Variants in H3C4 observed in about 807,000 individuals in gnomAD.
H3C4 encodes histone H3.1.
Under a neutral mutation model 8.7 loss-of-function variants are expected in H3C4, and 10 were observed. That is an observed-to-expected ratio of 1.15 (90% confidence interval 0.71 to 1.96). The LOEUF (loss-of-function observed/expected upper bound fraction) is 1.96. H3C4 is among the 30% of genes most tolerant of loss of function. The pLI, the probability that H3C4 is intolerant of heterozygous loss-of-function variation, is 0.00. For synonymous variants in H3C4, 141 were observed against 80.1 expected (o/e 1.76, Z -4.06); for missense variants, 216 against 192.9 (o/e 1.12, Z -0.71).
At chr6:26,197,287 G>C (rs551972687), upstream of H3C4, 22 of 1,588,654 alleles carry the variant, frequency 1.4e-5, no homozygotes, top group African/African-American at 9.6e-5. Context: ...ACGAAAAAAC[G>C]AAAGTCTAGC....
At chr6:26,198,624 G>A (rs1765039475), upstream of H3C4, among the ~76,000 whole-genome samples, 1 of 152,144 alleles carries the variant, frequency 6.6e-6, no homozygotes, top group Admixed American at 6.5e-5. Flanking sequence ...AAGGAACCGC[G>A]CCCCGCCAAT....
At position 26,196,835 on chromosome 6, in the gene H3C4, A is replaced by G. The variant is rs367946121; in HGVS notation, c.*5T>C. The G allele has an allele frequency of 3.7e-6, 6 of 1,614,160 alleles. No individual in the cohort carries two copies. Among genetic ancestry groups the G allele is most frequent in the Non-Finnish European group, 5.1e-6 (6 of 1,180,002 alleles). On this transcript the variant is annotated 3_prime_UTR_variant, in exon 1 of 1. Coordinates refer to ENST00000356476, the MANE Select transcript of H3C4 (RefSeq NM_001376937.1). ...GTTTTGGTTAGCACACATTCACAAG[A>G]CAATTTACGCCCTCTCCCCACGAAT...
chr6:26,197,020 C>T lies in H3C4; in HGVS notation c.231G>A (p.Gln77=), dbSNP rs1325093844. The part of the protein sequence containing the change: ...PFQRLVREIA[Q]DFKTDLRFQS... The stretch of plus-strand genomic sequence containing the variant: ...GAAAACGCAGATCAGTCTTGAAGTC[C>T]TGCGCGATCTCACGGACTAGACGCT... Residue 77 remains glutamine (Q), a synonymous_variant, in exon 1 of 1, where the codon CAG becomes CAA. Coordinates refer to ENST00000356476, the MANE Select transcript of H3C4 (RefSeq NM_001376937.1). 6.2e-7 allele frequency: 1 copy of T among 1,614,266 alleles called. No individual in the cohort carries two copies. Among genetic ancestry groups the T allele is most frequent in the Admixed American group, 1.7e-5 (1 of 60,032 alleles).
upstream of H3C4, chr6:26,199,175 T>C: frequency 6.2e-7 from 1 of 1,613,910 alleles, no homozygotes; most frequent in Non-Finnish European, 8.5e-7. Context: ...GGAACTGGAG[T>C]CCGGCCCGCG....
upstream of H3C4, chr6:26,199,264 G>T (rs200459903): frequency 2.5e-6 from 4 of 1,586,416 alleles, no homozygotes; most frequent in South Asian, 4.6e-5. Context: ...TAAAAACGAT[G>T]TTAAGCAATG....
At chr6:26,197,378 C>G (rs1765000050), upstream of H3C4, 1 of 873,168 alleles carries the variant, frequency 1.1e-6, no homozygotes, top group African/African-American at 1.7e-5. Flanking sequence ...TTGGTGGAGA[C>G]GCCCACTCCC....
At chr6:26,199,130 G>A (rs199988683), upstream of H3C4, 916 of 1,614,212 alleles carry the variant, frequency 5.7e-4, 19 homozygotes, top group South Asian at 8.6e-3. Context: ...CGGAGTAGTT[G>A]CCCTTGCGGA....
At chr6:26,197,676 A>T (rs926709955), upstream of H3C4, among the ~76,000 whole-genome samples, 40 of 152,080 alleles carry the variant, frequency 2.6e-4, no homozygotes, top group Non-Finnish European at 1.6e-4. Flanking sequence ...AGAAAGGTTA[A>T]TTTCATATCT....
chr6:26,198,786 G>C (rs34550794), upstream of H3C4: 1 of 1,484,290 alleles, frequency 6.7e-7, no homozygotes, highest in Non-Finnish European at 9.2e-7. Context: ...GGAATACATG[G>C]GTGGCTCTGA....
At position 26,197,239 on chromosome 6, in the gene H3C4, G is replaced by A. The variant is rs1475156692; in HGVS notation, c.12C>T (p.Thr4=). The A allele has an allele frequency of 1.2e-6, 2 of 1,611,580 alleles. No individual in the cohort carries two copies. Among genetic ancestry groups the A allele is most frequent in the Non-Finnish European group, 1.7e-6 (2 of 1,179,436 alleles). MAR[T]KQTARKSTGG... ...CCGTGGACTTGCGAGCAGTCTGCTT[G>A]GTACGAGCCATTGCGAACTTCTAAA... The change falls in exon 1 of 1, where the codon ACC becomes ACT. Residue 4 remains threonine (T), a synonymous_variant. Transcript: ENST00000356476.
upstream of H3C4, chr6:26,197,413 A>C: frequency 3.1e-6 from 2 of 652,882 alleles, no homozygotes; most frequent in Non-Finnish European, 5.2e-6. Context: ...CTGCATGTAG[A>C]CCAAATATTA....
upstream of H3C4, chr6:26,199,270 C>G (rs752585239): frequency 1.5e-5 from 24 of 1,580,338 alleles, no homozygotes; most frequent in Non-Finnish European, 5.1e-6. Context: ...CGATGTTAAG[C>G]AATGAAGACA....
chr6:26,199,081 C>A (rs768233497), upstream of H3C4: 32 of 1,614,060 alleles, frequency 2.0e-5, no homozygotes, highest in South Asian at 2.0e-4. Context: ...TACTCCAACA[C>A]CGCCGCCAGA....
upstream of H3C4, chr6:26,199,080 A>G (rs1581450866): frequency 5.6e-6 from 9 of 1,613,840 alleles, no homozygotes; most frequent in East Asian, 2.2e-5. Flanking sequence ...GTACTCCAAC[A>G]CCGCCGCCAG....
At chr6:26,199,242 A>G (rs1295995445), upstream of H3C4, 8 of 1,593,052 alleles carry the variant, frequency 5.0e-6, no homozygotes, top group Non-Finnish European at 6.8e-6. Flanking sequence ...GCGTCCGGAC[A>G]TTTTGAATTC....
chr6:26,197,042 C>T lies in H3C4; in HGVS notation c.209G>A (p.Arg70His), dbSNP rs754667839. 1.9e-6 allele frequency: 3 copies of T among 1,614,216 alleles called. No individual in the cohort carries two copies. Among genetic ancestry groups the T allele is most frequent in the South Asian group, 2.2e-5 (2 of 91,088 alleles). Reference protein sequence around the residue: ...ELLIRKLPFQRLVREIAQDFK... With the variant: ...ELLIRKLPFQHLVREIAQDFK... ...GTCCTGCGCGATCTCACGGACTAGA[C>T]GCTGGAATGGCAGTTTGCGAATCAG... The change falls in exon 1 of 1, where the codon CGT (arginine) becomes CAT (histidine). Residue 70 changes from arginine (R) to histidine (H), a missense_variant. Arg to His is a conservative substitution (Grantham distance 29). Coordinates refer to ENST00000356476, the MANE Select transcript of H3C4 (RefSeq NM_001376937.1).
chr6:26,199,107 GC>G, upstream of H3C4: 2 of 1,614,176 alleles, frequency 1.2e-6, no homozygotes, highest in Non-Finnish European at 1.7e-6. Flanking sequence ...TGGCGCGCCG[GC>G]CCCGACTCGC....
chr6:26,198,939 G>A (rs1765054444), upstream of H3C4: 1 of 1,614,236 alleles, frequency 6.2e-7, no homozygotes, highest in South Asian at 1.1e-5. Flanking sequence ...CTGAGCAATT[G>A]TGACTTTACC....
At position 26,196,975 on chromosome 6, in the gene H3C4, C is replaced by T. The variant is rs988940307; in HGVS notation, c.276G>A (p.Ala92=). The T allele has an allele frequency of 3.1e-6, 5 of 1,614,242 alleles. No homozygotes were observed. Among genetic ancestry groups the T allele is most frequent in the East Asian group, 4.5e-5 (2 of 44,888 alleles). ...DLRFQSSAVM[A]LQEACEAYLV... The stretch of plus-strand genomic sequence containing the variant: ...GGTAGGCCTCGCAGGCCTCCTGCAG[C>T]GCCATCACCGCCGAGCTCTGAAAAC... The change falls in exon 1 of 1, where the codon GCG becomes GCA. Residue 92 remains alanine, a synonymous_variant. Transcript: ENST00000356476.
Sources: gnomAD v4.1 joint callset for allele counts (sites outside exome capture counted in the v4.1 genomes callset) on GRCh38, gnomAD v4.1.1 for gene constraint, MANE v1.5 for transcripts, NCBI Gene and HGNC (gene_info 2026-07-23, HGNC 2026-07-21) for gene names.